The following PPA2 variants were observed in gnomAD, a reference collection of about 807,000 sequenced individuals.
The protein encoded by PPA2 is inorganic pyrophosphatase 2, mitochondrial.
Under a neutral mutation model 49.5 loss-of-function variants are expected in PPA2, and 48 were observed. That is an observed-to-expected ratio of 0.97 (90% CI 0.77 to 1.23). The LOEUF (loss-of-function observed/expected upper bound fraction) is 1.23. Among genes scored for constraint, PPA2 ranks in the 50% most tolerant of loss-of-function variants. PPA2 has a pLI of 0.00. For missense variants in PPA2, 429 were observed against 410.1 expected (o/e 1.05, Z -0.40); for synonymous variants, 131 against 139.9 (o/e 0.94, Z 0.45).
At chr4:105,429,148 T>G (rs898939963) in intron 6 of PPA2, among the ~76,000 whole-genome samples, 2 of 152,210 alleles carry the variant, frequency 1.3e-5, no homozygotes, top group Non-Finnish European at 2.9e-5. Context: ...AGCAAAACCT[T>G]TAATTTCATT....
intron 7 of PPA2, among the ~76,000 whole-genome samples, chr4:105,403,224 C>T (rs1398381743): frequency 6.6e-6 from 1 of 151,806 alleles, no homozygotes; most frequent in Non-Finnish European, 1.5e-5. Flanking sequence ...AGTAGAATTG[C>T]TTTGTTTTGT....
chr4:105,402,721 G>A (rs923059292), intron 7 of PPA2, among the ~76,000 whole-genome samples: 1 of 152,114 alleles, frequency 6.6e-6, no homozygotes, highest in Non-Finnish European at 1.5e-5. Flanking sequence ...TATCTGCTGT[G>A]TAAAGAAAAG....
At chr4:105,425,721 C>CGT (rs1191008881) in intron 6 of PPA2, among the ~76,000 whole-genome samples, 1 of 119,892 alleles carries the variant, frequency 8.3e-6, no homozygotes, top group African/African-American at 3.8e-5. Context: ...GACACATGCA[C>CGT]ATACACACAC....
chr4:105,395,687 A>T (rs1432611197), intron 9 of PPA2, among the ~76,000 whole-genome samples: 1 of 152,098 alleles, frequency 6.6e-6, no homozygotes, highest in East Asian at 1.9e-4. Flanking sequence ...ATCTGTCAGG[A>T]ATTTTAAGTT....
intron 7 of PPA2, among the ~76,000 whole-genome samples, chr4:105,410,731 C>T (rs1278765291): frequency 6.6e-6 from 1 of 152,218 alleles, no homozygotes; most frequent in Non-Finnish European, 1.5e-5. Context: ...AGAAACACTA[C>T]AAGCCAGAAG....
chr4:105,473,150 G>C lies in PPA2; in HGVS notation c.157+744C>G, dbSNP rs377346197. Among the ~76,000 whole-genome samples the C allele has an allele frequency of 5.9e-5, 9 of 152,310 alleles. No individual in the cohort carries two copies. The East Asian group carries it at 1.4e-3, about 23-fold the overall frequency. ...TTCTGTTACGGTTAACGTACACAGT[G>C]AAACAATGGGGTACACGGAACAATG... On this transcript the variant is annotated intron_variant, in intron 1 of 11. Transcript: ENST00000341695.
chr4:105,384,139 G>T (rs936780772), intron 10 of PPA2, among the ~76,000 whole-genome samples: 4 of 152,134 alleles, frequency 2.6e-5, no homozygotes, highest in African/African-American at 7.2e-5. Context: ...ATTCATGAGG[G>T]TGCTAATGGG....
At chr4:105,421,255 C>T (rs937812091) in intron 7 of PPA2, among the ~76,000 whole-genome samples, 1 of 152,062 alleles carries the variant, frequency 6.6e-6, no homozygotes, top group Non-Finnish European at 1.5e-5. Flanking sequence ...TTTGAGTCAA[C>T]AGGGAAAATG....
At chr4:105,446,333 C>G (rs753137808) in intron 5 of PPA2, 50 bp downstream of exon 5, 78 of 1,517,090 alleles carry the variant, frequency 5.1e-5, no homozygotes, top group Non-Finnish European at 6.7e-5. Flanking sequence ...ATTTATAAGG[C>G]AATTTTTTCA....
chr4:105,418,444 G>C (rs1234025460), intron 7 of PPA2, among the ~76,000 whole-genome samples: 1 of 152,178 alleles, frequency 6.6e-6, no homozygotes, highest in Non-Finnish European at 1.5e-5. Flanking sequence ...CCTTGAAAGA[G>C]AGTAGTTTTT....
chr4:105,427,505 A>G (rs1324478905), intron 6 of PPA2, among the ~76,000 whole-genome samples: 1 of 152,186 alleles, frequency 6.6e-6, no homozygotes, highest in Admixed American at 6.5e-5. Context: ...AAGAGCTTAA[A>G]TGACCTGATG....
At chr4:105,377,247 G>A (rs1022031730) in intron 10 of PPA2, among the ~76,000 whole-genome samples, 2 of 152,064 alleles carry the variant, frequency 1.3e-5, no homozygotes, top group Admixed American at 6.6e-5. Context: ...AGAAGAGGCT[G>A]GAATAGAAGG....
chr4:105,407,470 C>T (rs1318318275), intron 7 of PPA2, among the ~76,000 whole-genome samples: 5 of 152,164 alleles, frequency 3.3e-5, no homozygotes, highest in Non-Finnish European at 7.4e-5. Flanking sequence ...CCATCTTACT[C>T]AGCAAAACTA....
chr4:105,456,573 C>T, intron 2 of PPA2, 108 bp downstream of exon 2: 1 of 844,214 alleles, frequency 1.2e-6, no homozygotes, highest in Middle Eastern at 2.4e-4. Context: ...TCCTGTTTGT[C>T]CTCCTGACTT....
intron 3 of PPA2, among the ~76,000 whole-genome samples, chr4:105,450,399 C>T (rs112165268): frequency 0.092 from 13,706 of 149,200 alleles, 1,280 homozygotes; most frequent in African/African-American, 0.24. Context: ...TCTCCCAAGA[C>T]GGAGTCTTAC....
chr4:105,428,687 G>C (rs1723647002), intron 6 of PPA2, among the ~76,000 whole-genome samples: 1 of 151,614 alleles, frequency 6.6e-6, no homozygotes, highest in South Asian at 2.1e-4. Context: ...GGGGCTAGGG[G>C]AGGGATAGCA....
chr4:105,374,294 T>C (rs1469248136), intron 10 of PPA2, among the ~76,000 whole-genome samples: 1 of 152,214 alleles, frequency 6.6e-6, no homozygotes. Flanking sequence ...GTGTGGTGGC[T>C]TACGCCTGTA....
At position 105,412,813 on chromosome 4, in the gene PPA2, C is replaced by G. The variant is rs954382397; in HGVS notation, c.655+11383G>C. ...ATCTCACGCCAGTTAGAATGGCAAT[C>G]ATTAAAAAGTCAGGAAACAACAGAT... On this transcript the variant is annotated intron_variant, in intron 7 of 11. Transcript: ENST00000341695. Among the ~76,000 whole-genome samples the G allele has an allele frequency of 2.0e-5, 3 of 152,160 alleles. No individual in the cohort carries two copies. In the East Asian group the frequency reaches 5.8e-4, roughly 29 times the overall value.
intron 7 of PPA2, among the ~76,000 whole-genome samples, chr4:105,403,459 G>T (rs1284260661): frequency 6.6e-6 from 1 of 151,850 alleles, no homozygotes; most frequent in Non-Finnish European, 1.5e-5. Flanking sequence ...AGATTATATA[G>T]AATCTCCTTA....
Sources: allele counts gnomAD v4.1 joint callset (sites outside exome capture counted in the v4.1 genomes callset), GRCh38; gene constraint gnomAD v4.1.1; transcripts MANE v1.5; gene names NCBI Gene and HGNC (gene_info 2026-07-23, HGNC 2026-07-21).